Variants in FSTL4 observed in about 807,000 individuals in gnomAD.
FSTL4 encodes the protein follistatin like 4, also known as follistatin-related protein 4.
In FSTL4, 28 loss-of-function variants were observed where a neutral mutation model predicts 78.2. The ratio of observed to expected loss-of-function variants is 0.36; its 90% confidence interval spans 0.27 to 0.49. The LOEUF is 0.49. Ranked by LOEUF, FSTL4 falls within the 20% of genes least tolerant of loss-of-function variation. The pLI is 0.98. For synonymous variants in FSTL4, 422 were observed against 440.5 expected (o/e 0.96, Z 0.53); for missense variants, 922 against 1,084.9 (o/e 0.85, Z 2.11).
At chr5:133,448,747 G>GC (rs1757320663) in intron 3 of FSTL4, among the ~76,000 whole-genome samples, 1 of 145,474 alleles carries the variant, frequency 6.9e-6, no homozygotes, top group South Asian at 2.4e-4. Flanking sequence ...GGCGGGGGGG[G>GC]GGGGCGCTCA....
intron 4 of FSTL4, among the ~76,000 whole-genome samples, chr5:133,325,693 T>C (rs1359422580): frequency 2.6e-5 from 4 of 152,092 alleles, no homozygotes; most frequent in Non-Finnish European, 5.9e-5. Flanking sequence ...AGAAACCACA[T>C]AGTAACCAGC....
At chr5:133,442,849 C>T (rs994438194) in intron 3 of FSTL4, among the ~76,000 whole-genome samples, 4 of 152,206 alleles carry the variant, frequency 2.6e-5, no homozygotes, top group African/African-American at 9.7e-5. Context: ...AGACTTTATA[C>T]CTGATCTATC....
At chr5:133,837,340 A>C in the FSTL4 span, among the ~76,000 whole-genome samples, 1 of 152,168 alleles carries the variant, frequency 6.6e-6, no homozygotes, top group Non-Finnish European at 1.5e-5. Context: ...TATTAACCAC[A>C]GTCATTTTAA....
intron 3 of FSTL4, among the ~76,000 whole-genome samples, chr5:133,479,459 G>C (rs1189908932): frequency 3.9e-5 from 6 of 152,216 alleles, no homozygotes; most frequent in Non-Finnish European, 5.9e-5. Flanking sequence ...CAACCAAGAT[G>C]TTCATCAGCC....
chr5:133,416,760 C>G (rs1756587161), intron 3 of FSTL4, among the ~76,000 whole-genome samples: 1 of 152,046 alleles, frequency 6.6e-6, no homozygotes, highest in Non-Finnish European at 1.5e-5. Context: ...AAATAAGTGG[C>G]CTGTAATTTT....
At chr5:133,360,451 T>C (rs1755042733) in intron 4 of FSTL4, among the ~76,000 whole-genome samples, 1 of 150,790 alleles carries the variant, frequency 6.6e-6, no homozygotes, top group South Asian at 2.1e-4. Flanking sequence ...TAGTGTCTCT[T>C]AGAGTTTGTT....
the FSTL4 span, among the ~76,000 whole-genome samples, chr5:133,696,874 G>T: frequency 2.6e-5 from 4 of 152,212 alleles, no homozygotes; most frequent in African/African-American, 7.2e-5. Context: ...ATCAAAGTGT[G>T]AGGCTGAGAG....
At chr5:133,572,345 G>A (rs1760176776) in intron 2 of FSTL4, among the ~76,000 whole-genome samples, 1 of 151,858 alleles carries the variant, frequency 6.6e-6, no homozygotes, top group Non-Finnish European at 1.5e-5. Flanking sequence ...CATGTCTTGG[G>A]GATTTGGTGT....
the FSTL4 span, among the ~76,000 whole-genome samples, chr5:133,649,882 A>T: frequency 6.6e-6 from 1 of 151,882 alleles, no homozygotes; most frequent in African/African-American, 2.4e-5. Context: ...ATTTTAGTCC[A>T]TTTTGTGTTG....
the FSTL4 span, among the ~76,000 whole-genome samples, chr5:133,807,938 C>G: frequency 6.6e-6 from 1 of 152,200 alleles, no homozygotes; most frequent in Non-Finnish European, 1.5e-5. Flanking sequence ...CTGCGCTCAG[C>G]TTCCCAGGCA....
chr5:133,800,051 T>C, the FSTL4 span, among the ~76,000 whole-genome samples: 2 of 139,198 alleles, frequency 1.4e-5, no homozygotes, highest in African/African-American at 2.6e-5. Context: ...GCAGTTGTCA[T>C]GGACAACAGG....
intron 6 of FSTL4, among the ~76,000 whole-genome samples, chr5:133,277,914 G>A (rs879409549): frequency 3.9e-5 from 6 of 152,308 alleles, no homozygotes; most frequent in African/African-American, 1.4e-4. Context: ...AAGACGCCAC[G>A]CGACAAGGGA....
intron 3 of FSTL4, among the ~76,000 whole-genome samples, chr5:133,433,796 G>A (rs563615221): frequency 2.6e-5 from 4 of 152,268 alleles, no homozygotes; most frequent in South Asian, 2.1e-4. Flanking sequence ...GGGGAAGCAC[G>A]GCAGGCAGAG....
intron 4 of FSTL4, among the ~76,000 whole-genome samples, chr5:133,326,678 C>T (rs559165687): frequency 4.7e-4 from 71 of 152,328 alleles, no homozygotes; most frequent in Middle Eastern, 3.4e-3. Context: ...AGGCCCAGTT[C>T]CACAGAGCTG....
At position 133,338,969 on chromosome 5, in the gene FSTL4, C is replaced by T. The variant is rs1754527917; in HGVS notation, c.410-22317G>A. 6.6e-6 allele frequency among the ~76,000 whole-genome samples: 1 copy of T among 152,182 alleles called. No individual in the cohort carries two copies. ...GCCTCCGATCATGTCCCCACCAATC[C>T]TCCCCCACTCAGTAGCTGGAGGAAT... On this transcript the variant is annotated intron_variant, in intron 4 of 15. Coordinates refer to ENST00000265342, the MANE Select transcript of FSTL4 (RefSeq NM_015082.2). This position sits in a 1 kb window ranked among gnomAD's most constrained non-coding sequence, Gnocchi z 4.0.
chr5:133,398,850 TC>T (rs1358950988), intron 4 of FSTL4, among the ~76,000 whole-genome samples: 1 of 152,010 alleles, frequency 6.6e-6, no homozygotes, highest in East Asian at 1.9e-4. Context: ...CAAAAAGGGG[TC>T]CTTAAGAGAG....
At chr5:133,446,177 C>T (rs571280850) in intron 3 of FSTL4, among the ~76,000 whole-genome samples, 28 of 152,326 alleles carry the variant, frequency 1.8e-4, no homozygotes, top group South Asian at 4.1e-4. Context: ...CGGTGGCTCA[C>T]GCCTGTAATC....
At chr5:133,492,368 T>C (rs28626549) in intron 3 of FSTL4, among the ~76,000 whole-genome samples, 6,322 of 152,234 alleles carry the variant, frequency 0.042, 430 homozygotes, top group African/African-American at 0.14. Flanking sequence ...CTGGGGTCAA[T>C]TGCCTTCCTC....
chr5:133,241,146 G>A, intron 7 of FSTL4, among the ~76,000 whole-genome samples: 1 of 152,378 alleles, frequency 6.6e-6, no homozygotes, highest in South Asian at 2.1e-4. Flanking sequence ...TCCACGTTTA[G>A]AGCCCTCCTG....
Sources: allele counts gnomAD v4.1 joint callset (sites outside exome capture counted in the v4.1 genomes callset), GRCh38; gene constraint gnomAD v4.1.1; non-coding constraint Gnocchi (gnomAD v3.1); transcripts MANE v1.5; gene names NCBI Gene and HGNC (gene_info 2026-07-23, HGNC 2026-07-21).